SAMMSON: variants seen among roughly 807,000 people sequenced by gnomAD.
The protein encoded by SAMMSON is long intergenic non-protein coding RNA 1212.
chr3:70,090,791 A>C (rs2067302198), intron 4 of SAMMSON, among the ~76,000 whole-genome samples: 1 of 152,100 alleles, frequency 6.6e-6, no homozygotes, highest in African/African-American at 2.4e-5. Context: ...AAAAAAAAAA[A>C]AACCATTGGC....
intron 4 of SAMMSON, among the ~76,000 whole-genome samples, chr3:70,239,312 G>T (rs1467740337): frequency 6.6e-6 from 1 of 152,050 alleles, no homozygotes; most frequent in Admixed American, 6.6e-5. Context: ...CTTGCCCAAG[G>T]TCCAAGTCTT....
chr3:70,393,900 G>A (rs776354390), downstream of SAMMSON, among the ~76,000 whole-genome samples: 2 of 152,124 alleles, frequency 1.3e-5, no homozygotes, highest in Admixed American at 6.6e-5. Flanking sequence ...TGCATTTTAC[G>A]TTGGGAAGTG....
intron 9 of SAMMSON, among the ~76,000 whole-genome samples, chr3:70,362,622 AC>A (rs755843752): frequency 5.8e-4 from 89 of 152,160 alleles, no homozygotes; most frequent in Non-Finnish European, 8.5e-4. Flanking sequence ...CCTACAAAGT[AC>A]TTTTTGACAA....
chr3:70,203,977 A>C (rs1559534239), intron 4 of SAMMSON, among the ~76,000 whole-genome samples: 1 of 152,132 alleles, frequency 6.6e-6, no homozygotes, highest in Non-Finnish European at 1.5e-5. Flanking sequence ...TTTAGTAATA[A>C]AGTAATGTTT....
In SAMMSON at chr3:70,171,574, GA is replaced by G. The variant is rs377512932; in HGVS notation, n.508-77526del. ...GGCTGAAATAATTTTGAAAATGCAT[GA>G]AAAAAATGGACATTGATGTAACTTA... On this transcript the variant is annotated intron_variant and non_coding_transcript_variant, in intron 4 of 9. Coordinates refer to ENST00000642114, the Ensembl canonical transcript of SAMMSON. Among the ~76,000 whole-genome samples, 1,445 of 151,314 alleles carry G rather than the reference GA, an allele frequency of 9.5e-3. 16 individuals carry two copies. The highest frequency in any genetic ancestry group is 0.033 in the African/African-American group (1,354 of 41,378).
chr3:70,319,381 A>G (rs1461834880), intron 7 of SAMMSON, among the ~76,000 whole-genome samples: 1 of 152,084 alleles, frequency 6.6e-6, no homozygotes, highest in East Asian at 1.9e-4. Context: ...CTTAGGCTTG[A>G]AAATAGCTTC....
At chr3:70,419,859 C>T (rs1487339958) in intron 2 of SAMMSON, among the ~76,000 whole-genome samples, 2 of 152,154 alleles carry the variant, frequency 1.3e-5, no homozygotes, top group African/African-American at 4.8e-5. Context: ...AGGATGGTCT[C>T]GATCTCCTGA....
chr3:70,063,975 C>T (rs2067200437), intron 3 of SAMMSON, among the ~76,000 whole-genome samples: 1 of 152,054 alleles, frequency 6.6e-6, no homozygotes, highest in African/African-American at 2.4e-5. Context: ...CAGATCTCAC[C>T]TCCTAATTCC....
chr3:70,102,365 C>G (rs879175592), intron 4 of SAMMSON, among the ~76,000 whole-genome samples: 1 of 152,082 alleles, frequency 6.6e-6, no homozygotes, highest in Non-Finnish European at 1.5e-5. Context: ...AATTTGGCAT[C>G]AAAAAACTGT....
intron 4 of SAMMSON, among the ~76,000 whole-genome samples, chr3:70,197,833 C>T (rs1701196735): frequency 6.6e-6 from 1 of 152,160 alleles, no homozygotes. Flanking sequence ...TGAAATACGT[C>T]ATCATATGCC....
intron 7 of SAMMSON, among the ~76,000 whole-genome samples, chr3:70,320,840 C>A (rs751890338): frequency 6.6e-6 from 1 of 151,944 alleles, no homozygotes; most frequent in African/African-American, 2.4e-5. Context: ...GTTTGGAATG[C>A]GAGAAAATAG....
intron 4 of SAMMSON, among the ~76,000 whole-genome samples, chr3:70,238,723 G>T (rs190135524): frequency 2.1e-3 from 322 of 152,032 alleles, no homozygotes; most frequent in Middle Eastern, 0.014. Flanking sequence ...TATTGTTTGG[G>T]TCCCCATATT....
At chr3:70,416,384 T>C (rs1215970053) in intron 2 of SAMMSON, among the ~76,000 whole-genome samples, 1 of 152,208 alleles carries the variant, frequency 6.6e-6, no homozygotes, top group African/African-American at 2.4e-5. Context: ...CTCATTACTG[T>C]CATTAATAAG....
intron 7 of SAMMSON, among the ~76,000 whole-genome samples, chr3:70,303,427 A>G (rs1020581053): frequency 3.0e-4 from 45 of 152,140 alleles, no homozygotes; most frequent in African/African-American, 1.1e-3. Flanking sequence ...ATGCGGAGCT[A>G]ATTAATTCCA....
intron 4 of SAMMSON, among the ~76,000 whole-genome samples, chr3:70,237,804 G>A (rs1208789626): frequency 2.0e-5 from 3 of 152,040 alleles, no homozygotes; most frequent in Non-Finnish European, 4.4e-5. Context: ...CCATATTGTG[G>A]GCATGGACAA....
chr3:70,203,209 C>T (rs1425087934), intron 4 of SAMMSON, among the ~76,000 whole-genome samples: 1 of 152,060 alleles, frequency 6.6e-6, no homozygotes, highest in Non-Finnish European at 1.5e-5. Context: ...ATACCAGCCC[C>T]AAGCCAGTAT....
At chr3:70,419,528 C>A (rs1240223077) in intron 2 of SAMMSON, among the ~76,000 whole-genome samples, 1 of 152,146 alleles carries the variant, frequency 6.6e-6, no homozygotes, top group East Asian at 1.9e-4. Flanking sequence ...GCTAATACAA[C>A]ACTGATTGGA....
intron 3 of SAMMSON, among the ~76,000 whole-genome samples, chr3:70,028,380 C>G (rs960434657): frequency 6.6e-6 from 1 of 152,034 alleles, no homozygotes; most frequent in African/African-American, 2.4e-5. Flanking sequence ...CAGGTCTTTA[C>G]TTTAGGCAGG....
At chr3:70,143,593 G>A (rs2067536659) in intron 4 of SAMMSON, among the ~76,000 whole-genome samples, 1 of 152,056 alleles carries the variant, frequency 6.6e-6, no homozygotes, top group Non-Finnish European at 1.5e-5. Context: ...TGGCCAATGG[G>A]GGTTTCCAGC....
Sources: gnomAD v4.1 joint callset for allele counts (sites outside exome capture counted in the v4.1 genomes callset) on GRCh38, gnomAD v4.1.1 for gene constraint, MANE v1.5 for transcripts, NCBI Gene and HGNC (gene_info 2026-07-23, HGNC 2026-07-21) for gene names.